PRKAG2: variants seen among roughly 807,000 people sequenced by gnomAD.
PRKAG2 encodes the protein protein kinase AMP-activated non-catalytic subunit gamma 2.
PRKAG2 carries 26 observed loss-of-function variants against 69.6 expected under a neutral mutation model. That is an observed-to-expected ratio of 0.37 (90% CI 0.27 to 0.52). The LOEUF (loss-of-function observed/expected upper bound fraction) is 0.52, where lower values mean the gene tolerates loss of function less well. Among genes scored for constraint, PRKAG2 ranks in the 20% least tolerant of loss-of-function variants. The probability of loss-of-function intolerance (pLI) is 0.90; values close to 1 mark genes in which losing one functional copy is unlikely to be tolerated. For missense variants in PRKAG2, 557 were observed against 740.0 expected (o/e 0.75, Z 2.87); for synonymous variants, 293 against 285.0 (o/e 1.03, Z -0.28).
At position 151,850,404 on chromosome 7, in the gene PRKAG2, G is replaced by C. The variant is rs767090907; in HGVS notation, c.114+26103C>G. 6.6e-6 allele frequency among the ~76,000 whole-genome samples: 1 copy of C among 152,246 alleles called. No individual in the cohort carries two copies. The highest frequency in any genetic ancestry group is 1.5e-5 in the Non-Finnish European group (1 of 68,044). On this transcript the variant is annotated intron_variant, in intron 1 of 15. Transcript: ENST00000287878. The surrounding 1 kb of genome is among the most constrained non-coding windows in gnomAD (Gnocchi z 4.1). The stretch of plus-strand genomic sequence containing the variant: ...TAGGTTATTTCCTCATCTTAGAAAG[G>C]AAGAAATGAACAGGAGGCAGAAGGG...
chr7:151,565,705 G>A lies in PRKAG2; in HGVS notation c.1399+15C>T, dbSNP rs374582991. On this transcript the variant is annotated intron_variant, in intron 12 of 15. Coordinates refer to ENST00000287878, the MANE Select transcript of PRKAG2 (RefSeq NM_016203.4). Reference sequence around the variant, plus strand: ...TAAACAATTATTTCTGCCTGTCAGCGCCAAACACACAAACCTGACTCATCC... The same window carrying A: ...TAAACAATTATTTCTGCCTGTCAGCACCAAACACACAAACCTGACTCATCC... 2.4e-5 allele frequency: 38 copies of A among 1,609,190 alleles called. No individual in the cohort carries two copies. The Admixed American group carries it at 3.3e-4, about 14-fold the overall frequency.
chr7:151,565,692 T>C, intron 12 of PRKAG2, 28 bp downstream of exon 12: 1 of 1,601,410 alleles, frequency 6.2e-7, no homozygotes, highest in Non-Finnish European at 8.6e-7. Flanking sequence ...AACAATTATT[T>C]CTGCCTGTCA....
chr7:151,700,374 C>T (rs968438851), intron 3 of PRKAG2, among the ~76,000 whole-genome samples: 10 of 152,062 alleles, frequency 6.6e-5, no homozygotes, highest in African/African-American at 2.4e-4. Context: ...ACCTCCAGGC[C>T]CCCACCCCAG....
chr7:151,821,110 G>T (rs2078769065), intron 1 of PRKAG2, among the ~76,000 whole-genome samples: 1 of 15,262 alleles, frequency 6.6e-5, no homozygotes, highest in South Asian at 2.6e-3. Flanking sequence ...GTGTGGCACA[G>T]ACAGCAGCCA....
At chr7:151,664,175 G>A (rs760994442) in intron 4 of PRKAG2, among the ~76,000 whole-genome samples, 1 of 152,256 alleles carries the variant, frequency 6.6e-6, no homozygotes, top group Non-Finnish European at 1.5e-5. Flanking sequence ...CAGAGGTGAC[G>A]GACAACCATG....
intron 3 of PRKAG2, among the ~76,000 whole-genome samples, chr7:151,711,395 G>A (rs999385593): frequency 6.6e-6 from 1 of 151,510 alleles, no homozygotes; most frequent in Admixed American, 6.6e-5. Flanking sequence ...GAGTACTGAG[G>A]GTGCTAAGCT....
intron 1 of PRKAG2, among the ~76,000 whole-genome samples, chr7:151,797,434 A>C (rs1017149741): frequency 1.2e-4 from 18 of 152,108 alleles, no homozygotes; most frequent in African/African-American, 4.1e-4. Context: ...GTGAGAGAGG[A>C]CACCTCTGAA....
intron 1 of PRKAG2, among the ~76,000 whole-genome samples, chr7:151,857,351 G>C (rs552473568): frequency 1.3e-5 from 2 of 149,052 alleles, no homozygotes; most frequent in South Asian, 4.3e-4. Flanking sequence ...AGGTCCGCCT[G>C]TGAGAGGGGG....
intron 5 of PRKAG2, among the ~76,000 whole-genome samples, chr7:151,618,273 C>T (rs576220003): frequency 5.3e-5 from 8 of 151,000 alleles, no homozygotes; most frequent in Admixed American, 1.3e-4. Context: ...GCCAACATGG[C>T]GAAACCCCAT....
intron 6 of PRKAG2, among the ~76,000 whole-genome samples, chr7:151,585,803 G>A (rs150351974): frequency 1.3e-5 from 2 of 152,316 alleles, no homozygotes; most frequent in East Asian, 3.9e-4. Context: ...CTCAGCTGGG[G>A]CTCCCCAGAA....
At chr7:151,852,913 T>C (rs976357041) in intron 1 of PRKAG2, among the ~76,000 whole-genome samples, 1 of 152,220 alleles carries the variant, frequency 6.6e-6, no homozygotes, top group Non-Finnish European at 1.5e-5. Flanking sequence ...TGCTCTTTCA[T>C]ATGTGACCCA....
At chr7:151,744,915 CTG>C (rs1431602343) in intron 3 of PRKAG2, among the ~76,000 whole-genome samples, 2 of 152,162 alleles carry the variant, frequency 1.3e-5, no homozygotes, top group Admixed American at 1.3e-4. Flanking sequence ...CTCAACCATG[CTG>C]TGTGGTAGGG....
intron 1 of PRKAG2, among the ~76,000 whole-genome samples, chr7:151,871,272 G>A (rs1296810390): frequency 2.0e-5 from 3 of 152,238 alleles, no homozygotes; most frequent in African/African-American, 7.2e-5. Flanking sequence ...TACGCTTCCA[G>A]TGAGTTACTT....
At chr7:151,690,223 G>A (rs560114495) in intron 3 of PRKAG2, among the ~76,000 whole-genome samples, 1 of 152,330 alleles carries the variant, frequency 6.6e-6, no homozygotes, top group African/African-American at 2.4e-5. Flanking sequence ...AGGGAGGTGG[G>A]AAAGGAGCCC....
chr7:151,615,926 C>T (rs1349184224), intron 5 of PRKAG2, among the ~76,000 whole-genome samples: 1 of 152,184 alleles, frequency 6.6e-6, no homozygotes, highest in Admixed American at 6.5e-5. Flanking sequence ...AGCCAAATGC[C>T]CTGGTCTACC....
chr7:151,596,454 A>G (rs190332688), intron 5 of PRKAG2, among the ~76,000 whole-genome samples: 2 of 152,342 alleles, frequency 1.3e-5, no homozygotes, highest in African/African-American at 4.8e-5. Flanking sequence ...ACACTGATGA[A>G]AGAATTGAAG....
chr7:151,714,141 C>T (rs1042872914), intron 3 of PRKAG2, among the ~76,000 whole-genome samples: 13 of 152,216 alleles, frequency 8.5e-5, no homozygotes, highest in East Asian at 1.9e-4. Flanking sequence ...CATTGGAGTA[C>T]GGGCTTTACG....
intron 4 of PRKAG2, among the ~76,000 whole-genome samples, chr7:151,672,323 G>C (rs1042320079): frequency 6.6e-6 from 1 of 150,708 alleles, no homozygotes; most frequent in African/African-American, 2.4e-5. Context: ...GGATGGTCTC[G>C]ATCTCTCGTG....
chr7:151,559,793 C>T (rs1271471465), intron 15 of PRKAG2: 2 of 985,104 alleles, frequency 2.0e-6, no homozygotes, highest in Admixed American at 6.2e-5. Context: ...GTGGCCCTGA[C>T]AAAGGCTGGG....
Sources: allele counts gnomAD v4.1 joint callset (sites outside exome capture counted in the v4.1 genomes callset), GRCh38; gene constraint gnomAD v4.1.1; non-coding constraint Gnocchi (gnomAD v3.1); transcripts MANE v1.5; gene names NCBI Gene and HGNC (gene_info 2026-07-23, HGNC 2026-07-21).